ZC2HC1A: variants seen among roughly 807,000 people sequenced by gnomAD.
ZC2HC1A encodes zinc finger C2HC domain-containing protein 1A.
Under a neutral mutation model 40.7 loss-of-function variants are expected in ZC2HC1A, and 28 were observed. That is an observed-to-expected ratio of 0.69 (90% CI 0.51 to 0.94). The LOEUF (loss-of-function observed/expected upper bound fraction) is 0.94. ZC2HC1A is among the 40% of genes least tolerant of loss of function. The probability of loss-of-function intolerance (pLI) is 0.00; values close to 1 mark genes in which losing one functional copy is unlikely to be tolerated. For synonymous variants in ZC2HC1A, 129 were observed against 129.2 expected (o/e 1.00, Z 0.01); for missense variants, 389 against 386.3 (o/e 1.01, Z -0.06).
intron 7 of ZC2HC1A, among the ~76,000 whole-genome samples, chr8:78,703,232 A>G (rs1478811072): frequency 1.3e-5 from 2 of 152,104 alleles, no homozygotes; most frequent in Non-Finnish European, 2.9e-5. Context: ...CCAGATGGTG[A>G]TGAGAACACT....
chr8:78,693,413 T>C (rs1365581756), intron 5 of ZC2HC1A, among the ~76,000 whole-genome samples: 1 of 152,250 alleles, frequency 6.6e-6, no homozygotes, highest in African/African-American at 2.4e-5. Context: ...GATTTTTTAA[T>C]TATCGCCATT....
intron 1 of ZC2HC1A, among the ~76,000 whole-genome samples, chr8:78,673,244 C>T (rs954465967): frequency 6.6e-6 from 1 of 152,136 alleles, no homozygotes; most frequent in African/African-American, 2.4e-5. Context: ...AGGACATGAA[C>T]TCATTCTTTT....
At chr8:78,711,349 G>A (rs1198900894) in intron 7 of ZC2HC1A, among the ~76,000 whole-genome samples, 1 of 152,018 alleles carries the variant, frequency 6.6e-6, no homozygotes. Context: ...TAGATGGAGA[G>A]CCTTTATAAT....
In ZC2HC1A at chr8:78,675,815, A is replaced by G; in HGVS notation, c.45A>G (p.Glu15=). ...ATGGAGGTGTTGTCCAAGTTGGAGA[A>G]TTGTTACCTTGCAAGATTTGTGGAA... ...EENGGVVQVG[E]LLPCKICGRT... The change falls in exon 2 of 9, where the codon GAA becomes GAG. Residue 15 remains glutamate (E), a synonymous_variant. Transcript: ENST00000263849. 6.2e-7 allele frequency: 1 copy of G among 1,609,976 alleles called. No individual in the cohort carries two copies. The highest frequency in any genetic ancestry group is 1.3e-5 in the African/African-American group (1 of 74,808).
chr8:78,666,545 G>A (rs1424475902), intron 1 of ZC2HC1A, among the ~76,000 whole-genome samples: 1 of 152,124 alleles, frequency 6.6e-6, no homozygotes, highest in African/African-American at 2.4e-5. Flanking sequence ...TATTGTCCAC[G>A]GCCTTAACAC....
intron 5 of ZC2HC1A, among the ~76,000 whole-genome samples, chr8:78,692,581 G>A (rs1810245688): frequency 6.6e-6 from 1 of 152,130 alleles, no homozygotes; most frequent in African/African-American, 2.4e-5. Context: ...GAGGGGAGCA[G>A]TAAGGAGGTC....
intron 1 of ZC2HC1A, among the ~76,000 whole-genome samples, chr8:78,675,054 CAGTTTCTTTTTTTGT>C (rs1341960153): frequency 2.6e-5 from 4 of 151,420 alleles, no homozygotes; most frequent in Admixed American, 6.6e-5. Context: ...ACAAAGAATG[CAGTTTCTTTTTTTGT>C]AGTTTCTTTT....
At chr8:78,712,159 G>A (rs1810972175) in intron 7 of ZC2HC1A, 1 of 1,061,118 alleles carries the variant, frequency 9.4e-7, no homozygotes, top group Non-Finnish European at 1.3e-6. Flanking sequence ...TTCCTTAAAA[G>A]CTTTATATAA....
chr8:78,680,170 T>A (rs1486072119), intron 3 of ZC2HC1A, among the ~76,000 whole-genome samples: 2 of 151,942 alleles, frequency 1.3e-5, no homozygotes, highest in African/African-American at 4.8e-5. Flanking sequence ...TCAATGAATA[T>A]TAGTCATCCT....
chr8:78,687,644 A>G (rs991121880), intron 4 of ZC2HC1A, among the ~76,000 whole-genome samples: 3 of 130,222 alleles, frequency 2.3e-5, no homozygotes, highest in Non-Finnish European at 1.6e-5. Context: ...TTATATATAT[A>G]TTTACGTAAT....
At chr8:78,685,363 G>A (rs904119433) in intron 3 of ZC2HC1A, among the ~76,000 whole-genome samples, 2 of 152,162 alleles carry the variant, frequency 1.3e-5, no homozygotes, top group African/African-American at 4.8e-5. Context: ...GGAAGTTGTA[G>A]AAGGAAGCAT....
Position 78,717,479 on chromosome 8 carries a change from A to G in ZC2HC1A, c.964A>G (p.Arg322Gly). 1 of 1,580,844 alleles carries G rather than the reference A, an allele frequency of 6.3e-7. No individual in the cohort carries two copies. Among genetic ancestry groups the G allele is most frequent in the Non-Finnish European group, 8.5e-7 (1 of 1,169,976 alleles). ...AKFCCECGIRRMIL is the reference protein window; with the variant it reads ...AKFCCECGIRGMIL ...ATTTTGCTGTGAATGTGGCATTCGA[A>G]GAATGATTCTATGAATAGAATCTCA... is the stretch of plus-strand genomic sequence containing the variant. The change falls in exon 9 of 9, where the codon AGA (arginine) becomes GGA (glycine). Residue 322 changes from arginine (R) to glycine (G), a missense_variant. Coordinates refer to ENST00000263849, the MANE Select transcript of ZC2HC1A (RefSeq NM_016010.3).
intron 5 of ZC2HC1A, among the ~76,000 whole-genome samples, chr8:78,696,224 C>T (rs527721057): frequency 2.5e-4 from 38 of 152,090 alleles, no homozygotes; most frequent in African/African-American, 7.5e-4. Flanking sequence ...TTAGTAGAGA[C>T]GGGGTTTCAC....
intron 3 of ZC2HC1A, among the ~76,000 whole-genome samples, chr8:78,681,896 T>G (rs1280863640): frequency 4.6e-5 from 6 of 129,310 alleles, no homozygotes; most frequent in Non-Finnish European, 9.6e-5. Context: ...TTTTCCTTTT[T>G]CTTTCTTTTT....
chr8:78,676,426 G>A (rs1191561450), intron 2 of ZC2HC1A, among the ~76,000 whole-genome samples: 2 of 151,880 alleles, frequency 1.3e-5, no homozygotes, highest in Non-Finnish European at 1.5e-5. Flanking sequence ...TACTTAGTAA[G>A]TACAAATAAA....
At chr8:78,697,717 T>C (rs1293077540) in intron 6 of ZC2HC1A, among the ~76,000 whole-genome samples, 2 of 151,848 alleles carry the variant, frequency 1.3e-5, no homozygotes, top group Non-Finnish European at 2.9e-5. Flanking sequence ...CTTGCTCTGT[T>C]GCCCAGGTTT....
intron 5 of ZC2HC1A, among the ~76,000 whole-genome samples, chr8:78,696,376 G>A (rs911832406): frequency 1.3e-5 from 2 of 152,090 alleles, no homozygotes; most frequent in African/African-American, 4.8e-5. Flanking sequence ...TACCGTATTG[G>A]GCTACATTCC....
rs138923425 is a variant in ZC2HC1A, at chr8:78,697,867, A to G, written c.604+361A>G. Among the ~76,000 whole-genome samples, 1,001 of 152,000 alleles carry G rather than the reference A, an allele frequency of 6.6e-3. 14 individuals are homozygous for G. The highest frequency in any genetic ancestry group is 0.022 in the African/African-American group (909 of 41,432). On this transcript the variant is annotated intron_variant, in intron 6 of 8. Transcript: ENST00000263849. The stretch of plus-strand genomic sequence containing the variant: ...CTAATTTTTTGTATTTTTAATAGAG[A>G]TGGGGTTTCACCAAGTTAGCCAGGA...
At position 78,717,338 on chromosome 8, in the gene ZC2HC1A, G is replaced by A; in HGVS notation, c.823G>A (p.Asp275Asn). The change falls in exon 9 of 9, where the codon GAC becomes AAC. Residue 275 changes from aspartate (D) to asparagine (N), a missense_variant. Physicochemically the swap from Asp to Asn is conservative, Grantham distance 23 (BLOSUM62 1). Transcript: ENST00000263849. ...TESYIARPDG[D>N]CASSLNGGNI... ...TCTTTACTTTTTTAGGCCAGATGGGGACTGTGCATCTTCCCTTAATGGTGG... is the reference window on the plus strand; with the variant it reads ...TCTTTACTTTTTTAGGCCAGATGGGAACTGTGCATCTTCCCTTAATGGTGG... 6.2e-7 allele frequency: 1 copy of A among 1,607,878 alleles called. No homozygotes were observed.
Sources: gnomAD v4.1 joint callset for allele counts (sites outside exome capture counted in the v4.1 genomes callset) on GRCh38, gnomAD v4.1.1 for gene constraint, MANE v1.5 for transcripts, NCBI Gene and HGNC (gene_info 2026-07-23, HGNC 2026-07-21) for gene names.